The following UNC5D variants were observed in gnomAD, a reference collection of about 807,000 sequenced individuals.
UNC5D encodes netrin receptor UNC5D.
Under a neutral mutation model 105.4 loss-of-function variants are expected in UNC5D, and 39 were observed. The ratio of observed to expected loss-of-function variants is 0.37; its 90% CI spans 0.29 to 0.48. The LOEUF (loss-of-function observed/expected upper bound fraction) is 0.48, where lower values mean the gene tolerates loss of function less well. Ranked by LOEUF, UNC5D falls within the 20% of genes least tolerant of loss-of-function variation. The probability of loss-of-function intolerance (pLI) is 0.98; values close to 1 mark genes in which losing one functional copy is unlikely to be tolerated. For missense variants in UNC5D, 991 were observed against 1,202.4 expected, an observed-to-expected ratio of 0.82 and a Z score of 2.60; for synonymous variants, 452 against 450.4, an observed-to-expected ratio of 1.00 and a Z score of -0.04.
chr8:35,621,221 A>G (rs1035420529), intron 4 of UNC5D, among the ~76,000 whole-genome samples: 16 of 152,294 alleles, frequency 1.1e-4, no homozygotes, highest in Non-Finnish European at 1.2e-4. Context: ...GCTGTCATAT[A>G]GCAGGTGCTT....
At chr8:35,495,644 T>G (rs1811531939) in intron 1 of UNC5D, among the ~76,000 whole-genome samples, 1 of 152,086 alleles carries the variant, frequency 6.6e-6, no homozygotes, top group African/African-American at 2.4e-5. Flanking sequence ...CATATTTCCA[T>G]TCTGGTGCCC....
At chr8:35,502,120 G>A (rs777415540) in intron 1 of UNC5D, among the ~76,000 whole-genome samples, 1 of 152,126 alleles carries the variant, frequency 6.6e-6, no homozygotes, top group African/African-American at 2.4e-5. Flanking sequence ...TAATGTGTTG[G>A]TCTCCCATAG....
At chr8:35,783,319 T>C (rs533375046) in intron 16 of UNC5D, among the ~76,000 whole-genome samples, 1 of 152,276 alleles carries the variant, frequency 6.6e-6, no homozygotes, top group East Asian at 1.9e-4. Flanking sequence ...GTGACTTCTT[T>C]GCTAAGAATA....
At chr8:35,351,931 A>G (rs1812268476) in intron 1 of UNC5D, among the ~76,000 whole-genome samples, 1 of 152,116 alleles carries the variant, frequency 6.6e-6, no homozygotes, top group Non-Finnish European at 1.5e-5. Flanking sequence ...AACTGGTGGT[A>G]CCAGTTTTCT....
intron 1 of UNC5D, among the ~76,000 whole-genome samples, chr8:35,547,270 C>T (rs1283003980): frequency 6.7e-6 from 1 of 148,206 alleles, no homozygotes; most frequent in Non-Finnish European, 1.5e-5. Flanking sequence ...TGTAGTTCCT[C>T]AACAGAACAT....
chr8:35,639,177 C>T (rs1822557995), intron 4 of UNC5D, among the ~76,000 whole-genome samples: 1 of 152,124 alleles, frequency 6.6e-6, no homozygotes, highest in African/African-American at 2.4e-5. Context: ...ATCCCAGGAC[C>T]ATGTCCACTC....
At chr8:35,243,598 C>T (rs1396446692) in intron 1 of UNC5D, among the ~76,000 whole-genome samples, 1 of 151,920 alleles carries the variant, frequency 6.6e-6, no homozygotes, top group Non-Finnish European at 1.5e-5. Context: ...AAGAATGATC[C>T]GAAGTTCAGG....
chr8:35,475,334 CAGT>C (rs1240770822), intron 1 of UNC5D, among the ~76,000 whole-genome samples: 1 of 152,294 alleles, frequency 6.6e-6, no homozygotes, highest in Non-Finnish European at 1.5e-5. Flanking sequence ...CATGCCTACA[CAGT>C]AGCCAAGTGG....
At chr8:35,400,750 G>A (rs182134826) in intron 1 of UNC5D, among the ~76,000 whole-genome samples, 3 of 152,190 alleles carry the variant, frequency 2.0e-5, no homozygotes, top group South Asian at 4.2e-4. Flanking sequence ...TTCAAAATTG[G>A]CCGATTATAA....
chr8:35,528,039 G>GTTTTTTTTTT (rs398007485), intron 1 of UNC5D, among the ~76,000 whole-genome samples: 2 of 125,126 alleles, frequency 1.6e-5, no homozygotes, highest in East Asian at 4.9e-4. Context: ...GAAACAGCTG[G>GTTTTTTTTTT]TTTTTTTTTT....
chr8:35,356,959 A>C (rs1396853161), intron 1 of UNC5D, among the ~76,000 whole-genome samples: 1 of 152,124 alleles, frequency 6.6e-6, no homozygotes, highest in Non-Finnish European at 1.5e-5. Context: ...ACACTTCTTT[A>C]AAATATAAAT....
chr8:35,628,183 G>C (rs1821809449), intron 4 of UNC5D, among the ~76,000 whole-genome samples: 1 of 151,940 alleles, frequency 6.6e-6, no homozygotes, highest in South Asian at 2.1e-4. Context: ...GCTCAGGCTG[G>C]AGTGCAGTGG....
intron 1 of UNC5D, among the ~76,000 whole-genome samples, chr8:35,265,667 G>A (rs1044438456): frequency 2.0e-5 from 3 of 151,964 alleles, no homozygotes; most frequent in Non-Finnish European, 2.9e-5. Flanking sequence ...TCAGGAGATC[G>A]AGACCGTCCT....
At chr8:35,452,265 T>C (rs1380753200) in intron 1 of UNC5D, among the ~76,000 whole-genome samples, 1 of 152,068 alleles carries the variant, frequency 6.6e-6, no homozygotes, top group Non-Finnish European at 1.5e-5. Context: ...CTATTTTTAT[T>C]TTTATTTTTA....
intron 8 of UNC5D, among the ~76,000 whole-genome samples, chr8:35,714,487 A>C (rs1430092166): frequency 6.6e-6 from 1 of 152,194 alleles, no homozygotes; most frequent in African/African-American, 2.4e-5. Flanking sequence ...GTGATTATCC[A>C]ATTAGATGAG....
At chr8:35,584,312 G>A (rs969709852) in intron 3 of UNC5D, among the ~76,000 whole-genome samples, 2 of 151,830 alleles carry the variant, frequency 1.3e-5, no homozygotes, top group Admixed American at 1.3e-4. Flanking sequence ...GGAAGGGCAG[G>A]AGTGACATGG....
chr8:35,433,918 CTTAA>C (rs1053765892), intron 1 of UNC5D, among the ~76,000 whole-genome samples: 3 of 151,342 alleles, frequency 2.0e-5, no homozygotes, highest in African/African-American at 7.3e-5. Flanking sequence ...GTGGAACTTT[CTTAA>C]TTAAATTATG....
At chr8:35,295,190 T>C (rs1807390044) in intron 1 of UNC5D, among the ~76,000 whole-genome samples, 1 of 152,230 alleles carries the variant, frequency 6.6e-6, no homozygotes, top group Non-Finnish European at 1.5e-5. Flanking sequence ...CAACTGAAAA[T>C]GGCTCCATGT....
chr8:35,406,988 C>G lies in UNC5D; in HGVS notation c.104-142304C>G, dbSNP rs561582060. 2.6e-5 allele frequency among the ~76,000 whole-genome samples: 4 copies of G among 151,970 alleles called. No homozygotes were observed. In the East Asian group the frequency reaches 7.7e-4, roughly 29 times the overall value. On this transcript the variant is annotated intron_variant, in intron 1 of 16. Coordinates refer to ENST00000404895, the MANE Select transcript of UNC5D (RefSeq NM_080872.4). Reference sequence around the variant, plus strand: ...TATGAACTATCATGTACAGACATGCCCTGCATAACGACATTTTAGTTAACA... The same window carrying G: ...TATGAACTATCATGTACAGACATGCGCTGCATAACGACATTTTAGTTAACA...
Sources: allele counts gnomAD v4.1 joint callset (sites outside exome capture counted in the v4.1 genomes callset), GRCh38; gene constraint gnomAD v4.1.1; transcripts MANE v1.5; gene names NCBI Gene and HGNC (gene_info 2026-07-23, HGNC 2026-07-21).